Variants in SEC16B observed in about 807,000 individuals in gnomAD.
The protein encoded by SEC16B is protein transport protein Sec16B.
Under a neutral mutation model 141.8 loss-of-function variants are expected in SEC16B, and 115 were observed. That is an observed-to-expected ratio of 0.81 (90% CI 0.70 to 0.95). The LOEUF (loss-of-function observed/expected upper bound fraction) is 0.95. Among genes scored for constraint, SEC16B ranks in the 40% least tolerant of loss-of-function variants. SEC16B has a pLI of 0.00. For missense variants in SEC16B, 1,291 were observed against 1,312.3 expected, an observed-to-expected ratio of 0.98 and a Z score of 0.25; for synonymous variants, 493 against 492.5, an observed-to-expected ratio of 1.00 and a Z score of -0.01.
intron 16 of SEC16B, among the ~76,000 whole-genome samples, chr1:177,941,404 T>G (rs1651260992): frequency 6.6e-6 from 1 of 152,246 alleles, no homozygotes; most frequent in South Asian, 2.1e-4. Flanking sequence ...TTCAATTAAT[T>G]GAAACAACTA....
At chr1:177,951,384 T>C (rs1049645223) in intron 12 of SEC16B, among the ~76,000 whole-genome samples, 37 of 152,162 alleles carry the variant, frequency 2.4e-4, no homozygotes, top group African/African-American at 2.2e-4. Flanking sequence ...TCTCCTATAA[T>C]GGGAAAACTA....
At chr1:177,934,816 G>T (rs988782909) in intron 20 of SEC16B, among the ~76,000 whole-genome samples, 12 of 152,122 alleles carry the variant, frequency 7.9e-5, no homozygotes, top group Admixed American at 1.3e-4. Flanking sequence ...GTGAGAAAAG[G>T]AAGGAGGAAT....
chr1:177,957,614 T>C (rs73045020), intron 10 of SEC16B, among the ~76,000 whole-genome samples: 12,397 of 152,204 alleles, frequency 0.081, 1,663 homozygotes, highest in African/African-American at 0.28. Flanking sequence ...CACATCCTGA[T>C]AAATGGGGCA....
rs1652773600 is a variant in SEC16B, at chr1:177,958,188, T to C, written c.1309A>G (p.Thr437Ala). 4.4e-6 allele frequency: 7 copies of C among 1,594,998 alleles called. No individual in the cohort carries two copies. The highest frequency in any genetic ancestry group is 6.0e-6 in the Non-Finnish European group (7 of 1,169,958). Residue 437 changes from threonine (T) to alanine (A), a missense_variant, in exon 10 of 26, where the codon ACA becomes GCA. Around this residue, in one of 3 missense-constraint regions of SEC16B, gnomAD observed 681 missense variants for 675.5 expected, o/e 1.01. Coordinates refer to ENST00000308284, the MANE Select transcript of SEC16B (RefSeq NM_033127.4). ...LTGEIPPSVE[T>A]PAQIVEKFTR... ...AATTTCTCCACGATCTGCGCAGGTG[T>C]CTCCACACTGGGGGGGATCTCTCCC...
intron 19 of SEC16B, 118 bp from the exon 20 acceptor site, chr1:177,936,483 A>G: frequency 2.3e-6 from 2 of 863,348 alleles, no homozygotes; most frequent in African/African-American, 1.7e-5. Flanking sequence ...CTCGGAGCCC[A>G]TAAGCCCAAG....
rs1246340724 is a variant in SEC16B, at chr1:177,963,333, G to A, written c.642+838C>T. On this transcript the variant is annotated intron_variant, in intron 5 of 25. Transcript: ENST00000308284. The stretch of plus-strand genomic sequence containing the variant: ...TACAACCCCATCTCTGGCCGAGCGT[G>A]GTGGCTCAGGCCTGTAATCCCAGCA... Among the ~76,000 whole-genome samples, 3 of 151,672 alleles carry A rather than the reference G, an allele frequency of 2.0e-5. No individual in the cohort carries two copies. The East Asian group carries it at 6.0e-4, about 30-fold the overall frequency.
At chr1:177,973,303 T>C (rs1172109459), upstream of SEC16B, 1 of 152,198 alleles carries the variant, frequency 6.6e-6, no homozygotes, top group Non-Finnish European at 1.5e-5. Flanking sequence ...TTCATCCTAA[T>C]CCTTTACTGA....
chr1:177,967,678 C>A lies in SEC16B; in HGVS notation c.299+5G>T, dbSNP rs1571351994. 1.9e-6 allele frequency: 3 copies of A among 1,582,780 alleles called. No individual in the cohort carries two copies. In the East Asian group the frequency reaches 6.8e-5, roughly 36 times the overall value. On this transcript the variant is annotated splice_donor_5th_base_variant and intron_variant, in intron 2 of 25. Coordinates refer to ENST00000308284, the MANE Select transcript of SEC16B (RefSeq NM_033127.4). ...TTGCATTCATTCCAAGCCCTAAAGC[C>A]ATACCTTGAATACAACTGATTGCGA...
rs1283862076 is a variant in SEC16B, at chr1:177,952,364, C to T, written c.1464-369G>A. Among the ~76,000 whole-genome samples, 7 of 152,278 alleles carry T rather than the reference C, an allele frequency of 4.6e-5. No homozygotes were observed. In the South Asian group the frequency reaches 1.2e-3, roughly 27 times the overall value. On this transcript the variant is annotated intron_variant, in intron 11 of 25. Coordinates refer to ENST00000308284, the MANE Select transcript of SEC16B (RefSeq NM_033127.4). ...ATCTGGAAGCTCTTCTCCATCGGCACCCCCCTTCTCAGCCATCCCGATCTC... is the reference window on the plus strand; with the variant it reads ...ATCTGGAAGCTCTTCTCCATCGGCATCCCCCTTCTCAGCCATCCCGATCTC...
chr1:177,950,016 A>G (rs1047744346), intron 12 of SEC16B, among the ~76,000 whole-genome samples: 2 of 152,106 alleles, frequency 1.3e-5, no homozygotes, highest in South Asian at 2.1e-4. Context: ...ACATAATGCA[A>G]TTCCATTCTG....
In SEC16B at chr1:177,929,765, G is replaced by T; in HGVS notation, c.*93C>A. 2 of 1,403,628 alleles carry T rather than the reference G, an allele frequency of 1.4e-6. No individual in the cohort carries two copies. The allele number at this position is 1,403,628 out of a possible 1,614,324, so 86.9% of individuals were successfully genotyped here. The stretch of plus-strand genomic sequence containing the variant: ...TCGGGCTAGCACAAACCTCTTGAGG[G>T]TCCCAATATGGTAGAGAGGGGCTGG... On this transcript the variant is annotated 3_prime_UTR_variant, in exon 26 of 26. Coordinates refer to ENST00000308284, the MANE Select transcript of SEC16B (RefSeq NM_033127.4).
At chr1:177,934,451 A>C (rs940436164) in intron 20 of SEC16B, among the ~76,000 whole-genome samples, 3 of 152,234 alleles carry the variant, frequency 2.0e-5, no homozygotes, top group African/African-American at 7.2e-5. Context: ...AATTGATACA[A>C]ACCTTTGGAA....
chr1:177,937,614 A>G, intron 18 of SEC16B, 101 bp from the exon 19 acceptor site: 1 of 1,071,184 alleles, frequency 9.3e-7, no homozygotes, highest in Non-Finnish European at 1.3e-6. Flanking sequence ...TTTGGAAAGC[A>G]GTCACAAGGA....
In SEC16B at chr1:177,929,638, ATGAAATAATTTCCATCAT is replaced by A; in HGVS notation, c.*202_*219del. The A allele has an allele frequency of 8.8e-6, 5 of 565,616 alleles. No homozygotes were observed. In the South Asian group the frequency reaches 1.0e-4, roughly 12 times the overall value. 35.0% of individuals were successfully genotyped at this position (565,616 alleles called of 1,614,324 possible). A position where few individuals can be genotyped will look rare whatever the true frequency, so the allele number is the denominator to read the frequency against. The stretch of plus-strand genomic sequence containing the variant: ...CTATTAGACCCAGACTTTCCACCTG[ATGAAATAATTTCCATCAT>A]TGTGAAGCTAATCTTAAGAGACTGA... On this transcript the variant is annotated 3_prime_UTR_variant, in exon 26 of 26. Transcript: ENST00000308284.
chr1:177,969,221 G>A lies in SEC16B; in HGVS notation c.-59+663C>T, dbSNP rs780574105. Reference sequence around the variant, plus strand: ...CATATCAGAACAAAAGGTCAAAAGAGTGGGTGTTGAAATTGAGACGTCACT... The same window carrying A: ...CATATCAGAACAAAAGGTCAAAAGAATGGGTGTTGAAATTGAGACGTCACT... On this transcript the variant is annotated intron_variant, in intron 1 of 25. Transcript: ENST00000308284. 1.1e-3 allele frequency among the ~76,000 whole-genome samples: 175 copies of A among 152,298 alleles called. 2 individuals carry two copies. Among genetic ancestry groups the A allele is most frequent in the Admixed American group, 2.2e-3 (33 of 15,294 alleles).
chr1:177,935,635 A>G (rs1020345061), intron 20 of SEC16B, among the ~76,000 whole-genome samples: 5 of 151,814 alleles, frequency 3.3e-5, no homozygotes, highest in Admixed American at 6.6e-5. Flanking sequence ...AGATTTTTCT[A>G]TAACAATAAT....
intron 3 of SEC16B, 56 bp from the exon 4 acceptor site, chr1:177,965,223 C>G: frequency 6.3e-7 from 1 of 1,597,460 alleles, no homozygotes; most frequent in Non-Finnish European, 8.5e-7. Context: ...TCTGAAAGTT[C>G]TTAGAAAGAT....
intron 15 of SEC16B, among the ~76,000 whole-genome samples, chr1:177,943,687 G>A (rs4652281): frequency 0.084 from 12,823 of 152,276 alleles, 780 homozygotes; most frequent in East Asian, 0.28. Flanking sequence ...CAGTGTCAGT[G>A]GGGGGCCCTG....
intron 5 of SEC16B, 103 bp downstream of exon 5, chr1:177,964,068 G>A (rs1235120951): frequency 6.6e-6 from 5 of 754,866 alleles, no homozygotes; most frequent in South Asian, 3.9e-5. Flanking sequence ...CCAGACGGCT[G>A]GCCACTGGAC....
Sources: gnomAD v4.1 joint callset for allele counts (sites outside exome capture counted in the v4.1 genomes callset) on GRCh38, gnomAD v4.1.1 for gene constraint, gnomAD v4.1.1 regional missense constraint, MANE v1.5 for transcripts, NCBI Gene and HGNC (gene_info 2026-07-23, HGNC 2026-07-21) for gene names.